The following TNC variants were observed in gnomAD, a reference collection of about 807,000 sequenced individuals.
The protein encoded by TNC is tenascin.
In TNC, 109 loss-of-function variants were observed where a neutral mutation model predicts 202.4. That is an observed-to-expected ratio of 0.54 (90% CI 0.46 to 0.63). TNC has a LOEUF of 0.63. Ranked by LOEUF, TNC falls within the 30% of genes least tolerant of loss-of-function variation. The probability of loss-of-function intolerance (pLI) is 0.00; values close to 1 mark genes in which losing one functional copy is unlikely to be tolerated. For synonymous variants in TNC, 1,007 were observed against 1,089.7 expected (o/e 0.92, Z 1.50); for missense variants, 2,756 against 2,833.3 (o/e 0.97, Z 0.62).
chr9:115,076,617 C>T (rs1236509447), intron 7 of TNC, 42 bp from the exon 8 acceptor site: 1 of 1,601,246 alleles, frequency 6.2e-7, no homozygotes, highest in African/African-American at 1.3e-5. Context: ...ATATCAGTCA[C>T]AAGAGAGCAG....
chr9:115,108,401 A>T (rs993286685), intron 1 of TNC, among the ~76,000 whole-genome samples: 1 of 152,176 alleles, frequency 6.6e-6, no homozygotes, highest in Non-Finnish European at 1.5e-5. Context: ...TGAACCATCC[A>T]TTGGCTTCTA....
rs2104772 is a variant in TNC at position 115,046,506 on chromosome 9, T to A, written c.5029A>T (p.Ile1677Leu). Residue 1677 changes from isoleucine to leucine, a missense_variant, in exon 17 of 28, where the codon ATA becomes TTA. By Grantham distance (5) the Ile-to-Leu change is conservative. Around this residue, in one of 2 missense-constraint regions of TNC, gnomAD observed 2,559 missense variants for 2,546.0 expected, o/e 1.01. Coordinates refer to ENST00000350763, the MANE Select transcript of TNC (RefSeq NM_002160.4). Reference protein sequence around the residue: ...TLLAPERTRDITGLREATEYE... With the variant: ...TLLAPERTRDLTGLREATEYE... ...TCAGTAGCCTCTCTGAGACCTGTTATGTCCCTGGTACGTTCGGGGGCAAGT... is the reference window on the plus strand; with the variant it reads ...TCAGTAGCCTCTCTGAGACCTGTTAAGTCCCTGGTACGTTCGGGGGCAAGT... 0.43 allele frequency: 700,046 copies of A among 1,613,834 alleles called. 153,510 individuals carry two copies. The highest frequency in any genetic ancestry group is 0.56 in the African/African-American group (41,934 of 74,908).
At chr9:115,106,674 G>A (rs1237235205) in intron 1 of TNC, among the ~76,000 whole-genome samples, 1 of 152,196 alleles carries the variant, frequency 6.6e-6, no homozygotes, top group African/African-American at 2.4e-5. Flanking sequence ...GATACAGTGA[G>A]AAGTAGCAGA....
chr9:115,107,014 A>G (rs1189613702), intron 1 of TNC, among the ~76,000 whole-genome samples: 1 of 152,182 alleles, frequency 6.6e-6, no homozygotes, highest in Non-Finnish European at 1.5e-5. Context: ...TTTAATCATT[A>G]TTCTGAACTT....
chr9:115,066,138 G>T (rs1832933713), intron 10 of TNC, among the ~76,000 whole-genome samples: 1 of 152,052 alleles, frequency 6.6e-6, no homozygotes, highest in Non-Finnish European at 1.5e-5. Context: ...AGAGGTCCTG[G>T]GAGAAGCAGA....
Position 115,086,007 on chromosome 9 carries a change from T to A in TNC, c.1724A>T (p.Asp575Val). The part of the protein sequence containing the change: ...SDCHGQGRCV[D>V]GQCICHEGFT... ...GCCCTCGTGGCAGATGCACTGGCCG[T>A]CCACGCAGCGGCCCTGGCCATGACA... The change falls in exon 3 of 28, where the codon GAC becomes GTC. Residue 575 changes from aspartate to valine, a missense_variant. Physicochemically the swap from Asp to Val is radical, Grantham distance 152 (BLOSUM62 -3). Coordinates refer to ENST00000350763, the MANE Select transcript of TNC (RefSeq NM_002160.4). 2 of 1,613,928 alleles carry A rather than the reference T, an allele frequency of 1.2e-6. No individual in the cohort carries two copies. Among genetic ancestry groups the A allele is most frequent in the Non-Finnish European group, 1.7e-6 (2 of 1,179,934 alleles).
chr9:115,059,960 C>T lies in TNC; in HGVS notation c.4076G>A (p.Gly1359Asp), dbSNP rs540105775. The T allele has an allele frequency of 7.1e-5, 114 of 1,614,014 alleles. 1 individual carries two copies. The South Asian group carries it at 1.2e-3, about 17-fold the overall frequency. The change falls in exon 14 of 28, where the codon GGC becomes GAC. Residue 1359 changes from glycine (G) to aspartate (D), a missense_variant. Around this residue, in one of 2 missense-constraint regions of TNC, gnomAD observed 2,559 missense variants for 2,546.0 expected, o/e 1.01. Transcript: ENST00000350763. Reference sequence around the variant, plus strand: ...CCAGTTGAGTCTGAGGCCATCCCAGCCAACCTCAGACACGGCTAAATCTCC... The same window carrying T: ...CCAGTTGAGTCTGAGGCCATCCCAGTCAACCTCAGACACGGCTAAATCTCC... ...QLGDLAVSEV[G>D]WDGLRLNWTA...
At chr9:115,111,631 G>A (rs912665647) in intron 1 of TNC, among the ~76,000 whole-genome samples, 9 of 151,656 alleles carry the variant, frequency 5.9e-5, no homozygotes, top group East Asian at 1.9e-4. Flanking sequence ...GGCTGGTCTC[G>A]AACTCCTAAC....
chr9:115,085,713 T>C (rs2133428940), intron 3 of TNC, 151 bp downstream of exon 3: 1 of 838,512 alleles, frequency 1.2e-6, no homozygotes, highest in East Asian at 2.7e-5. Flanking sequence ...CCTTAAAAAG[T>C]CATTATGGGT....
At chr9:115,057,086 G>A (rs896153343) in intron 15 of TNC, 67 bp downstream of exon 15, 1 of 1,527,688 alleles carries the variant, frequency 6.5e-7, no homozygotes, top group Non-Finnish European at 8.8e-7. Context: ...AGAGGAGAAG[G>A]AGAGGCTTCA....
intron 17 of TNC, among the ~76,000 whole-genome samples, chr9:115,044,971 A>T (rs1831065125): frequency 6.6e-6 from 1 of 152,244 alleles, no homozygotes; most frequent in South Asian, 2.1e-4. Context: ...TGCCTGTCAG[A>T]GATGGCAAGT....
chr9:115,028,064 G>A (rs917359068), intron 25 of TNC, among the ~76,000 whole-genome samples: 17 of 152,046 alleles, frequency 1.1e-4, no homozygotes, highest in African/African-American at 3.9e-4. Context: ...TACATCTCTG[G>A]AATACATGCA....
intron 19 of TNC, 93 bp downstream of exon 19, chr9:115,040,848 C>G (rs1830674511): frequency 1.4e-6 from 2 of 1,465,320 alleles, no homozygotes; most frequent in African/African-American, 2.8e-5. Flanking sequence ...GAGTCATGAG[C>G]TACAAGGCTG....
chr9:115,102,533 A>G (rs1241353492), intron 1 of TNC, among the ~76,000 whole-genome samples: 1 of 152,210 alleles, frequency 6.6e-6, no homozygotes, highest in African/African-American at 2.4e-5. Flanking sequence ...GAAATCTACT[A>G]TTGAAAGGTT....
chr9:115,043,911 C>G (rs1588043931), intron 17 of TNC, among the ~76,000 whole-genome samples: 1 of 152,208 alleles, frequency 6.6e-6, no homozygotes, highest in African/African-American at 2.4e-5. Context: ...AATATGGTTA[C>G]TGTGGGTAAA....
intron 1 of TNC, among the ~76,000 whole-genome samples, chr9:115,109,519 G>A (rs1206470676): frequency 6.6e-6 from 1 of 152,144 alleles, no homozygotes; most frequent in Non-Finnish European, 1.5e-5. Context: ...CTAAGATAGA[G>A]AGCTCTTTGT....
chr9:115,106,022 C>A (rs912656399), intron 1 of TNC, among the ~76,000 whole-genome samples: 1 of 152,056 alleles, frequency 6.6e-6, no homozygotes, highest in African/African-American at 2.4e-5. Flanking sequence ...AATCCTAGAC[C>A]CTTACTCCTT....
At chr9:115,097,894 T>C (rs1835917475) in intron 1 of TNC, among the ~76,000 whole-genome samples, 1 of 152,186 alleles carries the variant, frequency 6.6e-6, no homozygotes, top group East Asian at 1.9e-4. Flanking sequence ...AAGATCAATA[T>C]GAAGAGCTGG....
At position 115,078,012 on chromosome 9, in the gene TNC, A is replaced by G; in HGVS notation, c.2605T>C (p.Tyr869His). ...SIGNLKPDTE[Y>H]EVSLISRRGD... ...CTGCGGGAGATGAGGGACACCTCGT[A>G]CTCAGTGTCAGGCTTCAGGTTCCCG... The change falls in exon 7 of 28, where the codon TAC becomes CAC. Residue 869 changes from tyrosine (Y) to histidine (H), a missense_variant. By Grantham distance (83) the Tyr-to-His change is moderately conservative. This residue lies in a region of TNC where 2,559 missense variants were observed against 2,546.0 expected (regional missense o/e 1.01). Transcript: ENST00000350763. The G allele has an allele frequency of 6.2e-7, 1 of 1,614,116 alleles. No individual in the cohort carries two copies. The highest frequency in any genetic ancestry group is 8.5e-7 in the Non-Finnish European group (1 of 1,180,016).
Sources: allele counts gnomAD v4.1 joint callset (sites outside exome capture counted in the v4.1 genomes callset), GRCh38; gene constraint gnomAD v4.1.1; regional missense constraint gnomAD v4.1.1; transcripts MANE v1.5; gene names NCBI Gene and HGNC (gene_info 2026-07-23, HGNC 2026-07-21).